CRB1: variants seen among roughly 807,000 people sequenced by gnomAD.
CRB1 encodes protein crumbs homolog 1.
A neutral mutation model predicts 120.0 loss-of-function variants in CRB1; 83 were observed. That is an observed-to-expected ratio of 0.69 (90% CI 0.58 to 0.83). The LOEUF is 0.83. Ranked by LOEUF, CRB1 falls within the 40% of genes least tolerant of loss-of-function variation. CRB1 has a pLI of 0.00. For synonymous variants in CRB1, 625 were observed against 612.5 expected, an observed-to-expected ratio of 1.02 and a Z score of -0.30; for missense variants, 1,699 against 1,687.6, an observed-to-expected ratio of 1.01 and a Z score of -0.12.
At chr1:197,426,572 C>T (rs895055489) in intron 6 of CRB1, among the ~76,000 whole-genome samples, 2 of 152,080 alleles carry the variant, frequency 1.3e-5, no homozygotes, top group African/African-American at 4.8e-5. Context: ...TATTTTTATA[C>T]ATCTCAAGAG....
At chr1:197,366,741 C>A (rs1234021613) in intron 5 of CRB1, among the ~76,000 whole-genome samples, 1 of 152,108 alleles carries the variant, frequency 6.6e-6, no homozygotes, top group Non-Finnish European at 1.5e-5. Context: ...TTCAAGGTTT[C>A]TTCTAGAATT....
the CRB1 span, among the ~76,000 whole-genome samples, chr1:197,262,510 CTGTA>C: frequency 3.3e-5 from 5 of 152,050 alleles, no homozygotes; most frequent in African/African-American, 1.2e-4. Context: ...TTTTACTGCA[CTGTA>C]TGTATTTATT....
intron 11 of CRB1, among the ~76,000 whole-genome samples, chr1:197,453,911 AT>A (rs1221997249): frequency 5.6e-5 from 2 of 35,840 alleles, no homozygotes; most frequent in African/African-American, 1.0e-4. Flanking sequence ...TTATTAATAT[AT>A]ATTATTGATA....
chr1:197,336,122 C>G (rs1659140275), intron 2 of CRB1, among the ~76,000 whole-genome samples: 1 of 152,204 alleles, frequency 6.6e-6, no homozygotes, highest in Non-Finnish European at 1.5e-5. Context: ...ATCAGCACTT[C>G]TTTTACTTTT....
At chr1:197,337,525 A>T (rs1659224530) in intron 2 of CRB1, among the ~76,000 whole-genome samples, 1 of 152,192 alleles carries the variant, frequency 6.6e-6, no homozygotes, top group African/African-American at 2.4e-5. Flanking sequence ...GATGAGAATG[A>T]AATGGATTAA....
Position 197,421,933 on chromosome 1 carries a change from A to T in CRB1, c.2105A>T (p.Tyr702Phe). Residue 702 changes from tyrosine to phenylalanine, a missense_variant, in exon 6 of 12, where the codon TAT (tyrosine) becomes TTT (phenylalanine). Tyr to Phe is a conservative substitution (Grantham distance 22). Coordinates refer to ENST00000367400, the MANE Select transcript of CRB1 (RefSeq NM_201253.3). Reference protein sequence around the residue: ...LSYQCDCHRPYEGPNCLREYV... With the variant: ...LSYQCDCHRPFEGPNCLREYV... ...TACCAGTGTGACTGCCACAGGCCCTATGAAGGCCCCAACTGTCTGAGAGGT... is the reference window on the plus strand; with the variant it reads ...TACCAGTGTGACTGCCACAGGCCCTTTGAAGGCCCCAACTGTCTGAGAGGT... 1.2e-6 allele frequency: 2 copies of T among 1,614,102 alleles called. No individual in the cohort carries two copies. The highest frequency in any genetic ancestry group is 1.7e-6 in the Non-Finnish European group (2 of 1,180,028).
intron 11 of CRB1, among the ~76,000 whole-genome samples, chr1:197,455,442 A>G (rs1356431282): frequency 6.6e-6 from 1 of 152,192 alleles, no homozygotes; most frequent in Non-Finnish European, 1.5e-5. Flanking sequence ...GTATGCACCC[A>G]GATACCATGC....
intron 1 of CRB1, among the ~76,000 whole-genome samples, chr1:197,290,306 T>TGTGTC (rs1558032615): frequency 2.5e-5 from 2 of 80,164 alleles, no homozygotes; most frequent in African/African-American, 1.0e-4. Flanking sequence ...GTGTGTGTGT[T>TGTGTC]TGAAGAGAAG....
chr1:197,426,684 C>G (rs114153732), intron 6 of CRB1, among the ~76,000 whole-genome samples: 3 of 152,166 alleles, frequency 2.0e-5, no homozygotes. Context: ...CAGCTTTGCC[C>G]CAAGTTCTCT....
intron 5 of CRB1, among the ~76,000 whole-genome samples, chr1:197,362,209 G>T (rs182815533): frequency 1.6e-4 from 24 of 152,160 alleles, no homozygotes; most frequent in Admixed American, 7.2e-4. Context: ...AACACATTCT[G>T]TATAATTTCA....
chr1:197,402,798 T>A (rs961237568), intron 5 of CRB1, among the ~76,000 whole-genome samples: 1 of 152,210 alleles, frequency 6.6e-6, no homozygotes, highest in African/African-American at 2.4e-5. Context: ...ACTAAACATA[T>A]CTGTATAACT....
chr1:197,347,297 A>G (rs1420526554), intron 3 of CRB1, 43 bp from the exon 4 acceptor site: 1 of 1,565,718 alleles, frequency 6.4e-7, no homozygotes, highest in Admixed American at 1.7e-5. Flanking sequence ...ATCTGATCTC[A>G]ATATGACTAA....
At chr1:197,265,737 A>G (rs551043913), upstream of CRB1, among the ~76,000 whole-genome samples, 3 of 152,180 alleles carry the variant, frequency 2.0e-5, no homozygotes, top group South Asian at 2.1e-4. Context: ...ATGTCTTTAG[A>G]TGTATCTAGT....
chr1:197,317,669 T>C (rs897776554), intron 1 of CRB1, among the ~76,000 whole-genome samples: 2 of 152,032 alleles, frequency 1.3e-5, no homozygotes, highest in African/African-American at 4.8e-5. Context: ...ATGAACTGAA[T>C]AGAGGGCCCA....
At chr1:197,451,645 A>G (rs551117724) in intron 11 of CRB1, among the ~76,000 whole-genome samples, 13 of 152,290 alleles carry the variant, frequency 8.5e-5, no homozygotes, top group Admixed American at 1.3e-4. Context: ...CACTTACAGG[A>G]TTTTCTGAGC....
chr1:197,413,734 T>C, intron 5 of CRB1: 1 of 253,428 alleles, frequency 3.9e-6, no homozygotes, highest in Admixed American at 4.7e-5. Flanking sequence ...ATAACAAATC[T>C]GCCTGGTAAG....
chr1:197,245,907 G>T, the CRB1 span, among the ~76,000 whole-genome samples: 1 of 152,034 alleles, frequency 6.6e-6, no homozygotes, highest in African/African-American at 2.4e-5. Flanking sequence ...CCTTATTATT[G>T]CTCCCATGTG....
chr1:197,350,106 CAA>C (rs551040523), intron 4 of CRB1, among the ~76,000 whole-genome samples: 15 of 65,730 alleles, frequency 2.3e-4, no homozygotes, highest in Non-Finnish European at 2.2e-4. Flanking sequence ...GACTCCGTCT[CAA>C]AAAAAAAAAA....
the CRB1 span, among the ~76,000 whole-genome samples, chr1:197,202,588 G>A: frequency 2.6e-5 from 4 of 152,118 alleles, no homozygotes; most frequent in Non-Finnish European, 5.9e-5. Flanking sequence ...TACTTAGAAC[G>A]TTGATGGAAA....
Sources: gnomAD v4.1 joint callset for allele counts (sites outside exome capture counted in the v4.1 genomes callset) on GRCh38, gnomAD v4.1.1 for gene constraint, MANE v1.5 for transcripts, NCBI Gene and HGNC (gene_info 2026-07-23, HGNC 2026-07-21) for gene names.